AUTS2: variants seen among roughly 807,000 people sequenced by gnomAD.
The protein encoded by AUTS2 is activator of transcription and developmental regulator AUTS2.
A neutral mutation model predicts 112.4 loss-of-function variants in AUTS2; 17 were observed. The observed-to-expected ratio is 0.15, with a 90% CI of 0.10 to 0.23. The LOEUF (loss-of-function observed/expected upper bound fraction) is 0.23. Ranked by LOEUF, AUTS2 falls within the 10% of genes least tolerant of loss-of-function variation. The pLI is 1.00. For missense variants in AUTS2, 1,510 were observed against 1,701.6 expected, an observed-to-expected ratio of 0.89 and a Z score of 1.98; for synonymous variants, 751 against 702.7, an observed-to-expected ratio of 1.07 and a Z score of -1.09.
At chr7:70,729,313 C>T (rs1181413870) in intron 6 of AUTS2, 5 of 380,708 alleles carry the variant, frequency 1.3e-5, no homozygotes, top group South Asian at 1.9e-5. Context: ...GTCAGGAGCC[C>T]GGCAGCCCCA....
At chr7:70,774,143 G>A in intron 12 of AUTS2, 44 bp downstream of exon 12, 1 of 1,591,650 alleles carries the variant, frequency 6.3e-7, no homozygotes, top group Non-Finnish European at 8.6e-7. Flanking sequence ...ACCAGGGTGT[G>A]TGTGTTTGCA....
intron 2 of AUTS2, among the ~76,000 whole-genome samples, chr7:70,046,178 C>G (rs2129558557): frequency 6.6e-6 from 1 of 152,226 alleles, no homozygotes; most frequent in Non-Finnish European, 1.5e-5. Flanking sequence ...AAGTCTACCT[C>G]TCAGTATCTT....
intron 5 of AUTS2, among the ~76,000 whole-genome samples, chr7:70,477,237 G>A (rs1188469876): frequency 6.6e-6 from 1 of 152,106 alleles, no homozygotes; most frequent in African/African-American, 2.4e-5. Context: ...TTTTTCAGTT[G>A]CCAACAGTGG....
chr7:70,410,708 A>C (rs1794739445), intron 4 of AUTS2, among the ~76,000 whole-genome samples: 1 of 151,970 alleles, frequency 6.6e-6, no homozygotes, highest in Non-Finnish European at 1.5e-5. Context: ...AGCGTGAGCC[A>C]CTGCGCCTGG....
chr7:70,660,037 C>A (rs1311708163), intron 5 of AUTS2, among the ~76,000 whole-genome samples: 4 of 151,952 alleles, frequency 2.6e-5, no homozygotes, highest in Non-Finnish European at 4.4e-5. Flanking sequence ...ATTAGCCAGG[C>A]ATGGTGATGC....
At chr7:69,793,202 G>A (rs536587053) in intron 1 of AUTS2, among the ~76,000 whole-genome samples, 1 of 152,302 alleles carries the variant, frequency 6.6e-6, no homozygotes, top group African/African-American at 2.4e-5. Context: ...GCCTCCAGCA[G>A]TAAACTGGTA....
intron 2 of AUTS2, among the ~76,000 whole-genome samples, chr7:70,013,408 T>C (rs1179624027): frequency 6.6e-6 from 1 of 152,174 alleles, no homozygotes; most frequent in Non-Finnish European, 1.5e-5. Context: ...CAAGATCGCT[T>C]TTAGCTTTCC....
chr7:70,196,561 C>T (rs926414805), intron 4 of AUTS2, among the ~76,000 whole-genome samples: 2 of 152,236 alleles, frequency 1.3e-5, no homozygotes, highest in African/African-American at 4.8e-5. Flanking sequence ...TATATGGTTG[C>T]AGCAACTGAA....
intron 2 of AUTS2, among the ~76,000 whole-genome samples, chr7:69,958,080 A>C (rs1027537438): frequency 2.0e-5 from 3 of 152,156 alleles, no homozygotes; most frequent in African/African-American, 7.2e-5. Context: ...TCTTTTATTC[A>C]TTCATTCATT....
intron 3 of AUTS2, among the ~76,000 whole-genome samples, chr7:70,121,030 C>A (rs149091849): frequency 5.8e-4 from 89 of 152,184 alleles, no homozygotes; most frequent in Non-Finnish European, 1.2e-3. Flanking sequence ...ATGGAGAGCC[C>A]AGAAGGGAGC....
chr7:69,653,774 C>A (rs1795393312), intron 1 of AUTS2, among the ~76,000 whole-genome samples: 1 of 151,820 alleles, frequency 6.6e-6, no homozygotes. Context: ...TCATTTTGTA[C>A]TTGTGTCCTT....
At chr7:69,610,484 A>G (rs1435001157) in intron 1 of AUTS2, among the ~76,000 whole-genome samples, 2 of 152,214 alleles carry the variant, frequency 1.3e-5, no homozygotes, top group Non-Finnish European at 2.9e-5. Context: ...TCCTCTCTGC[A>G]GGGAGGCTGG....
At position 70,358,270 on chromosome 7, in the gene AUTS2, C is replaced by A. The variant is rs184872485; in HGVS notation, c.661-77482C>A. ...AGGGAAAGGATTTTAAACAGTATGC[C>A]ATTCTTTATTAAATGAAGCACCATT... On this transcript the variant is annotated intron_variant, in intron 4 of 18. Transcript: ENST00000342771. 9.5e-4 allele frequency among the ~76,000 whole-genome samples: 145 copies of A among 152,280 alleles called. 1 individual carries two copies. In the East Asian group the frequency reaches 0.011, roughly 11 times the overall value.
intron 3 of AUTS2, among the ~76,000 whole-genome samples, chr7:70,130,105 A>G (rs1317463929): frequency 6.6e-6 from 1 of 152,158 alleles, no homozygotes; most frequent in African/African-American, 2.4e-5. Context: ...CCCAAGAGAG[A>G]AAAGCATAAC....
chr7:70,245,952 C>G (rs1415159424), intron 4 of AUTS2, among the ~76,000 whole-genome samples: 1 of 152,092 alleles, frequency 6.6e-6, no homozygotes, highest in East Asian at 1.9e-4. Flanking sequence ...TGTGTGTGTT[C>G]AACAGCCTCA....
chr7:69,797,623 G>T (rs1398236889), intron 1 of AUTS2, among the ~76,000 whole-genome samples: 3 of 152,170 alleles, frequency 2.0e-5, no homozygotes, highest in South Asian at 2.1e-4. Flanking sequence ...TGGTGTTCCA[G>T]AAGACCTCTG....
At position 70,162,107 on chromosome 7, in the gene AUTS2, A is replaced by T. The variant is rs550502630; in HGVS notation, c.660+27536A>T. On this transcript the variant is annotated intron_variant, in intron 4 of 18. Transcript: ENST00000342771. The stretch of plus-strand genomic sequence containing the variant: ...ATTTTTAAGAGGACAATTTTTAATT[A>T]AAAAAAATCAACAGTGTAGAATTTC... Among the ~76,000 whole-genome samples the T allele has an allele frequency of 4.3e-4, 66 of 152,154 alleles. 1 individual carries two copies. The highest frequency in any genetic ancestry group is 1.5e-3 in the African/African-American group (64 of 41,510).
chr7:70,438,929 C>G (rs1796009961), intron 5 of AUTS2, among the ~76,000 whole-genome samples: 1 of 152,244 alleles, frequency 6.6e-6, no homozygotes. Context: ...ACCTGCCATT[C>G]TCTTACTCCA....
intron 6 of AUTS2, among the ~76,000 whole-genome samples, chr7:70,722,969 T>C (rs530548019): frequency 1.3e-5 from 2 of 152,344 alleles, no homozygotes; most frequent in East Asian, 3.9e-4. Context: ...CAGTTTATTA[T>C]TTAAATTTAA....
Sources: allele counts gnomAD v4.1 joint callset (sites outside exome capture counted in the v4.1 genomes callset), GRCh38; gene constraint gnomAD v4.1.1; transcripts MANE v1.5; gene names NCBI Gene and HGNC (gene_info 2026-07-23, HGNC 2026-07-21).